Variants in SLC26A5 observed in about 807,000 individuals in gnomAD.
The protein encoded by SLC26A5 is solute carrier family 26 member 5, also known as prestin.
In SLC26A5, 51 loss-of-function variants were observed where a neutral mutation model predicts 81.0. The observed-to-expected ratio is 0.63, with a 90% CI of 0.50 to 0.80. SLC26A5 has a LOEUF of 0.80. Among genes scored for constraint, SLC26A5 ranks in the 30% least tolerant of loss-of-function variants. SLC26A5 has a pLI of 0.00. For synonymous variants in SLC26A5, 325 were observed against 332.8 expected (o/e 0.98, Z 0.25); for missense variants, 771 against 905.8 (o/e 0.85, Z 1.91).
Position 103,379,303 on chromosome 7 carries a change from T to C in SLC26A5, c.1617A>G (p.Gln539=), listed in dbSNP as rs774292856. 1.9e-6 allele frequency: 3 copies of C among 1,609,960 alleles called. No individual in the cohort carries two copies. Among genetic ancestry groups the C allele is most frequent in the East Asian group, 2.2e-5 (1 of 44,816 alleles). ...VKEIPGIKIF[Q]INAPIYYANS... ...TTGCATAGTAAATTGGTGCATTTAT[T>C]TGAAATATTTTTATTCCAGGAATTT... is the stretch of plus-strand genomic sequence containing the variant. Residue 539 remains glutamine, a synonymous_variant, in exon 16 of 20, where the codon CAA becomes CAG. Transcript: ENST00000306312.
chr7:103,357,335 A>T (rs1343878858), intron 19 of SLC26A5, among the ~76,000 whole-genome samples: 2 of 151,912 alleles, frequency 1.3e-5, no homozygotes, highest in African/African-American at 4.8e-5. Context: ...TCAAAAAAAA[A>T]AAAAAAAGAA....
At chr7:103,436,730 T>C (rs1041712957) in intron 2 of SLC26A5, among the ~76,000 whole-genome samples, 1 of 152,196 alleles carries the variant, frequency 6.6e-6, no homozygotes, top group South Asian at 2.1e-4. Context: ...CTGGGAAAAC[T>C]GGCTATCCAC....
chr7:103,405,295 T>C (rs1279277677), intron 8 of SLC26A5, among the ~76,000 whole-genome samples: 2 of 152,182 alleles, frequency 1.3e-5, no homozygotes, highest in Non-Finnish European at 2.9e-5. Context: ...GCTTTTTGCA[T>C]TGGTTTTTCC....
chr7:103,409,792 C>A (rs1036321726), intron 7 of SLC26A5, among the ~76,000 whole-genome samples: 1 of 151,924 alleles, frequency 6.6e-6, no homozygotes, highest in African/African-American at 2.4e-5. Context: ...ACTACAAGCT[C>A]CACCTCCCGG....
chr7:103,444,172 ACT>A (rs1257771921), intron 1 of SLC26A5, among the ~76,000 whole-genome samples: 1 of 152,232 alleles, frequency 6.6e-6, no homozygotes, highest in African/African-American at 2.4e-5. Flanking sequence ...CATAAAATGT[ACT>A]CTGAGTCACA....
In SLC26A5 at chr7:103,379,236, G is replaced by A; in HGVS notation, c.1677+7C>T. On this transcript the variant is annotated splice_region_variant and intron_variant, in intron 16 of 19. Coordinates refer to ENST00000306312, the MANE Select transcript of SLC26A5 (RefSeq NM_198999.3). Reference sequence around the variant, plus strand: ...TCCTCAGAAATAATCAATTTCTCATGACTCACCTTTCGTTTTAATGCATTG... The same window carrying A: ...TCCTCAGAAATAATCAATTTCTCATAACTCACCTTTCGTTTTAATGCATTG... The A allele has an allele frequency of 6.3e-7, 1 of 1,592,182 alleles. No homozygotes were observed. The highest frequency in any genetic ancestry group is 8.6e-7 in the Non-Finnish European group (1 of 1,160,350).
At chr7:103,355,869 T>G in intron 19 of SLC26A5, 2 of 957,844 alleles carry the variant, frequency 2.1e-6, no homozygotes, top group Non-Finnish European at 3.1e-6. Context: ...TCAGGGATAA[T>G]GCAATAGTTC....
rs139793204 is a variant in SLC26A5, at chr7:103,367,873, G to A, written c.2041+8935C>T. 8.1e-5 allele frequency: 131 copies of A among 1,611,550 alleles called. No homozygotes were observed. The East Asian group carries it at 2.1e-3, about 25-fold the overall frequency. On this transcript the variant is annotated intron_variant, in intron 19 of 19. Coordinates refer to the SLC26A5 transcript ENST00000339444. This position sits in a 1 kb window ranked among gnomAD's most constrained non-coding sequence, Gnocchi z 6.1. ...TGCTCAGGCTGCTTTAATTAAGCCC[G>A]TTTATTTTCTTTTTGTTTGAAAGGT...
chr7:103,416,374 A>G (rs1824909241), intron 4 of SLC26A5, among the ~76,000 whole-genome samples: 1 of 152,258 alleles, frequency 6.6e-6, no homozygotes, highest in South Asian at 2.1e-4. Context: ...GCTTTGGGCT[A>G]TAAGTTTTTT....
chr7:103,353,263 T>C (rs1001527948), intron 19 of SLC26A5, among the ~76,000 whole-genome samples: 1 of 152,234 alleles, frequency 6.6e-6, no homozygotes, highest in Non-Finnish European at 1.5e-5. Context: ...GATTGCTTTC[T>C]ATGTCTATGT....
chr7:103,394,714 T>A (rs1035635816), intron 9 of SLC26A5, among the ~76,000 whole-genome samples: 3 of 152,174 alleles, frequency 2.0e-5, no homozygotes, highest in African/African-American at 7.2e-5. Context: ...TGCCTCCAAA[T>A]AGGCCACCAG....
chr7:103,438,052 C>T (rs529406495), intron 2 of SLC26A5, among the ~76,000 whole-genome samples: 1 of 152,216 alleles, frequency 6.6e-6, no homozygotes, highest in East Asian at 1.9e-4. Flanking sequence ...ATAACTGTGA[C>T]TTCAGCCCTC....
intron 5 of SLC26A5, among the ~76,000 whole-genome samples, chr7:103,412,416 T>A (rs1409403139): frequency 6.6e-6 from 1 of 152,188 alleles, no homozygotes; most frequent in Non-Finnish European, 1.5e-5. Flanking sequence ...AATTACATTA[T>A]GAAATCAAGC....
Position 103,397,826 on chromosome 7 carries a change from A to G in SLC26A5, c.971+106T>C, listed in dbSNP as rs899159552. ...CCTAAAGCCCTCAGCTATTTGATGT[A>G]TAGAAAAAAGATTATTTTTCATTGC... On this transcript the variant is annotated intron_variant, in intron 9 of 19. Transcript: ENST00000306312. The G allele has an allele frequency of 9.3e-6, 8 of 863,288 alleles. No homozygotes were observed. The African/African-American group carries it at 1.2e-4, about 13-fold the overall frequency. 53.5% of individuals were successfully genotyped at this position (863,288 alleles called of 1,614,324 possible).
intron 8 of SLC26A5, among the ~76,000 whole-genome samples, chr7:103,401,229 G>A (rs1301351508): frequency 1.3e-5 from 2 of 152,184 alleles, no homozygotes; most frequent in East Asian, 3.9e-4. Context: ...ATTTGTTTGT[G>A]TCCTCTCTGA....
At chr7:103,359,744 G>A (rs1000881444) in intron 19 of SLC26A5, among the ~76,000 whole-genome samples, 1 of 152,112 alleles carries the variant, frequency 6.6e-6, no homozygotes, top group African/African-American at 2.4e-5. Flanking sequence ...CTTTAGATAT[G>A]GTTTCCTTTA....
chr7:103,422,913 A>C (rs1335931135), intron 2 of SLC26A5, among the ~76,000 whole-genome samples: 1 of 152,106 alleles, frequency 6.6e-6, no homozygotes, highest in Non-Finnish European at 1.5e-5. Flanking sequence ...ATGTTGGTCA[A>C]TACAACTCCT....
chr7:103,410,485 C>T lies in SLC26A5; in HGVS notation c.635G>A (p.Gly212Glu). The part of the protein sequence containing the change: ...AIYLTEPLVR[G>E]FTTAAAVHVF... ...ATGCACAGCTGCTGCGGTGGTAAAC[C>T]CACGGACCAGAGGCTCTGTGAGATA... Residue 212 changes from glycine to glutamate, a missense_variant, in exon 7 of 20, where the codon GGG becomes GAG. Physicochemically the swap from Gly to Glu is moderately conservative, Grantham distance 98. Coordinates refer to ENST00000306312, the MANE Select transcript of SLC26A5 (RefSeq NM_198999.3). The T allele has an allele frequency of 6.2e-7, 1 of 1,613,938 alleles. No homozygotes were observed. The highest frequency in any genetic ancestry group is 8.5e-7 in the Non-Finnish European group (1 of 1,179,986).
At chr7:103,429,862 G>A (rs1021840816) in intron 2 of SLC26A5, among the ~76,000 whole-genome samples, 2 of 152,224 alleles carry the variant, frequency 1.3e-5, no homozygotes, top group African/African-American at 4.8e-5. Flanking sequence ...ATAGCATGTA[G>A]TCTTGTGCTG....
Sources: gnomAD v4.1 joint callset for allele counts (sites outside exome capture counted in the v4.1 genomes callset) on GRCh38, gnomAD v4.1.1 for gene constraint, Gnocchi (gnomAD v3.1) non-coding constraint, MANE v1.5 for transcripts, NCBI Gene and HGNC (gene_info 2026-07-23, HGNC 2026-07-21) for gene names.